Variants in CDH13 observed in about 807,000 individuals in gnomAD.
CDH13 encodes the protein cadherin 13.
CDH13 carries 24 observed loss-of-function variants against 63.8 expected under a neutral mutation model. That is an observed-to-expected ratio of 0.38 (90% confidence interval 0.27 to 0.53). The LOEUF is 0.53. Ranked by LOEUF, CDH13 falls within the 20% of genes least tolerant of loss-of-function variation. The pLI, the probability that CDH13 is intolerant of heterozygous loss-of-function variation, is 0.85. For missense variants in CDH13, 1,049 were observed against 903.1 expected, an observed-to-expected ratio of 1.16 and a Z score of -2.07; for synonymous variants, 503 against 355.3, an observed-to-expected ratio of 1.42 and a Z score of -4.67.
At chr16:83,668,333 A>G (rs778240588) in intron 8 of CDH13, among the ~76,000 whole-genome samples, 3 of 152,218 alleles carry the variant, frequency 2.0e-5, no homozygotes, top group Non-Finnish European at 4.4e-5. Flanking sequence ...AGGTGCACAT[A>G]GAGCCTCCAG....
intron 2 of CDH13, among the ~76,000 whole-genome samples, chr16:82,993,986 A>G (rs1009461776): frequency 1.3e-5 from 2 of 152,090 alleles, no homozygotes; most frequent in Non-Finnish European, 2.9e-5. Flanking sequence ...TTCTTTCCCC[A>G]TCATTATATC....
chr16:82,914,084 G>GA (rs2041914444), intron 2 of CDH13, among the ~76,000 whole-genome samples: 1 of 152,066 alleles, frequency 6.6e-6, no homozygotes. Context: ...CTGAGGAAGG[G>GA]ACGTACAGAA....
chr16:83,365,327 A>C (rs2091238171), intron 6 of CDH13, among the ~76,000 whole-genome samples: 1 of 152,074 alleles, frequency 6.6e-6, no homozygotes, highest in Non-Finnish European at 1.5e-5. Context: ...TTCTGTTCAG[A>C]CCCGTAAGTG....
chr16:83,232,175 C>A (rs1286051187), intron 5 of CDH13, among the ~76,000 whole-genome samples: 2 of 149,688 alleles, frequency 1.3e-5, no homozygotes. Context: ...GTGTAACAAG[C>A]CTGCCCTTGT....
intron 3 of CDH13, among the ~76,000 whole-genome samples, chr16:83,059,659 C>A (rs558047642): frequency 4.6e-5 from 7 of 152,192 alleles, no homozygotes; most frequent in African/African-American, 1.7e-4. Context: ...CTGAGGCTAG[C>A]AGGCTGACTT....
intron 5 of CDH13, among the ~76,000 whole-genome samples, chr16:83,283,388 C>G (rs962430055): frequency 4.6e-5 from 7 of 152,112 alleles, no homozygotes; most frequent in Admixed American, 2.6e-4. Flanking sequence ...GCTGGGAATT[C>G]AAGACCAGCC....
Position 82,833,140 on chromosome 16 carries a change from G to A in CDH13, c.46-25222G>A, listed in dbSNP as rs1426351535. 3.3e-5 allele frequency among the ~76,000 whole-genome samples: 5 copies of A among 152,144 alleles called. No homozygotes were observed. The East Asian group carries it at 7.7e-4, about 23-fold the overall frequency. ...GTGAGAGACCAGTGAACTCAGACCC[G>A]TCTCCCAAGAGCCTTGTGTAAGTCA... On this transcript the variant is annotated intron_variant, in intron 1 of 13. Coordinates refer to ENST00000567109, the MANE Select transcript of CDH13 (RefSeq NM_001257.5).
intron 1 of CDH13, among the ~76,000 whole-genome samples, chr16:82,659,195 A>C (rs993413507): frequency 6.6e-6 from 1 of 152,258 alleles, no homozygotes; most frequent in Non-Finnish European, 1.5e-5. Flanking sequence ...TCCGGATGGC[A>C]GAACTTCTCT....
At chr16:83,502,953 A>G (rs1043319614) in intron 7 of CDH13, among the ~76,000 whole-genome samples, 1 of 152,196 alleles carries the variant, frequency 6.6e-6, no homozygotes, top group African/African-American at 2.4e-5. Context: ...AAAGTGCATG[A>G]AAGTGTTCCT....
intron 7 of CDH13, among the ~76,000 whole-genome samples, chr16:83,575,117 GCTT>G (rs1189903814): frequency 6.6e-6 from 1 of 152,174 alleles, no homozygotes; most frequent in Non-Finnish European, 1.5e-5. Flanking sequence ...AAGCCACCTG[GCTT>G]GTGGAACTTT....
intron 2 of CDH13, among the ~76,000 whole-genome samples, chr16:82,945,672 T>C (rs1291152516): frequency 6.6e-6 from 1 of 152,194 alleles, no homozygotes; most frequent in Non-Finnish European, 1.5e-5. Flanking sequence ...CTCCCTCTTC[T>C]ATACTAAGTC....
At chr16:82,981,480 C>G (rs1183738407) in intron 2 of CDH13, among the ~76,000 whole-genome samples, 2 of 152,022 alleles carry the variant, frequency 1.3e-5, no homozygotes, top group Non-Finnish European at 2.9e-5. Flanking sequence ...GCAATTTTGC[C>G]CCCTCTGCTC....
At position 83,245,263 on chromosome 16, in the gene CDH13, C is replaced by G. The variant is rs940882785; in HGVS notation, c.636+27766C>G. Among the ~76,000 whole-genome samples, 4 of 152,258 alleles carry G rather than the reference C, an allele frequency of 2.6e-5. No individual in the cohort carries two copies. The East Asian group carries it at 7.7e-4, about 29-fold the overall frequency. On this transcript the variant is annotated intron_variant, in intron 5 of 13. Transcript: ENST00000567109. Reference sequence around the variant, plus strand: ...CACTGTACATCTTAGAAGATTTTTGCTTTGTAGGGAACAACCACAAGAAGT... The same window carrying G: ...CACTGTACATCTTAGAAGATTTTTGGTTTGTAGGGAACAACCACAAGAAGT...
intron 2 of CDH13, among the ~76,000 whole-genome samples, chr16:83,024,414 A>G (rs948313729): frequency 2.0e-5 from 3 of 152,196 alleles, no homozygotes; most frequent in East Asian, 1.9e-4. Flanking sequence ...AGAGGTGGCA[A>G]TGAAATTGTG....
intron 5 of CDH13, among the ~76,000 whole-genome samples, chr16:83,339,324 T>C (rs2090671263): frequency 6.6e-6 from 1 of 152,192 alleles, no homozygotes; most frequent in African/African-American, 2.4e-5. Context: ...TCATACTTTC[T>C]GGTTGCTCAA....
chr16:83,268,370 C>G (rs1363954589), intron 5 of CDH13, among the ~76,000 whole-genome samples: 1 of 152,170 alleles, frequency 6.6e-6, no homozygotes, highest in Non-Finnish European at 1.5e-5. Context: ...GTTCTTTTCG[C>G]ACAAATGCTG....
chr16:83,635,511 T>C lies in CDH13; in HGVS notation c.1101+32917T>C, dbSNP rs541808201. Among the ~76,000 whole-genome samples, 3 of 151,840 alleles carry C rather than the reference T, an allele frequency of 2.0e-5. No homozygotes were observed. The South Asian group carries it at 6.3e-4, about 32-fold the overall frequency. On this transcript the variant is annotated intron_variant, in intron 8 of 13. Coordinates refer to ENST00000567109, the MANE Select transcript of CDH13 (RefSeq NM_001257.5). ...GGCACATGCCACCATGCCCAGCTAATTTTTGTATTTTTAGTAGAGATGCGG... is the reference window on the plus strand; with the variant it reads ...GGCACATGCCACCATGCCCAGCTAACTTTTGTATTTTTAGTAGAGATGCGG...
At chr16:82,909,422 A>G (rs1313189653) in intron 2 of CDH13, among the ~76,000 whole-genome samples, 1 of 152,190 alleles carries the variant, frequency 6.6e-6, no homozygotes, top group Non-Finnish European at 1.5e-5. Context: ...GTGTTTTAAC[A>G]TTTTAAGTTG....
chr16:82,890,471 G>C (rs2041041120), intron 2 of CDH13, among the ~76,000 whole-genome samples: 1 of 152,082 alleles, frequency 6.6e-6, no homozygotes, highest in Non-Finnish European at 1.5e-5. Flanking sequence ...AATTGAGGCA[G>C]GCTTCTCCAG....
Sources: allele counts gnomAD v4.1 joint callset (sites outside exome capture counted in the v4.1 genomes callset), GRCh38; gene constraint gnomAD v4.1.1; transcripts MANE v1.5; gene names NCBI Gene and HGNC (gene_info 2026-07-23, HGNC 2026-07-21).